Variants in NAV3 observed in about 807,000 individuals in gnomAD.
NAV3 encodes neuron navigator 3.
In NAV3, 87 loss-of-function variants were observed where a neutral mutation model predicts 244.7. The observed-to-expected ratio is 0.36, with a 90% CI of 0.30 to 0.42. The LOEUF is 0.42. Among genes scored for constraint, NAV3 ranks in the 20% least tolerant of loss-of-function variants. NAV3 has a pLI of 1.00. For synonymous variants in NAV3, 1,126 were observed against 1,042.2 expected (o/e 1.08, Z -1.55); for missense variants, 2,663 against 2,893.3 (o/e 0.92, Z 1.83).
intron 2 of NAV3, among the ~76,000 whole-genome samples, chr12:77,594,714 T>A (rs533035720): frequency 1.3e-5 from 2 of 152,314 alleles, no homozygotes; most frequent in South Asian, 4.1e-4. Context: ...TTACTGGAGT[T>A]CAAAATGGAA....
chr12:77,682,165 A>G (rs994942013), intron 2 of NAV3, among the ~76,000 whole-genome samples: 1 of 151,892 alleles, frequency 6.6e-6, no homozygotes, highest in Non-Finnish European at 1.5e-5. Context: ...GGCCACCACA[A>G]TCCCCAGCCT....
chr12:77,740,786 TG>T (rs1271074996), intron 2 of NAV3, among the ~76,000 whole-genome samples: 2 of 152,090 alleles, frequency 1.3e-5, no homozygotes, highest in East Asian at 1.9e-4. Context: ...GAAGGCTTAC[TG>T]GGGGGCTATG....
intron 2 of NAV3, among the ~76,000 whole-genome samples, chr12:77,822,731 A>G (rs1006761598): frequency 5.9e-5 from 9 of 152,154 alleles, no homozygotes; most frequent in Admixed American, 3.3e-4. Flanking sequence ...CCTGAAGACA[A>G]TCTATTCAAA....
At chr12:78,098,005 A>G (rs117204435) in intron 12 of NAV3, among the ~76,000 whole-genome samples, 2 of 152,262 alleles carry the variant, frequency 1.3e-5, no homozygotes, top group African/African-American at 2.4e-5. Context: ...CAGAACGCCT[A>G]TAACTAAATT....
chr12:77,577,369 A>G (rs1869140449), intron 2 of NAV3, among the ~76,000 whole-genome samples: 1 of 152,044 alleles, frequency 6.6e-6, no homozygotes, highest in African/African-American at 2.4e-5. Flanking sequence ...TTTTTTCTCC[A>G]CCATATCATA....
chr12:78,020,844 G>C (rs1010619135), intron 8 of NAV3, among the ~76,000 whole-genome samples: 1 of 149,498 alleles, frequency 6.7e-6, no homozygotes, highest in Non-Finnish European at 1.5e-5. Flanking sequence ...CCTACTACCA[G>C]AAAAAAAAAG....
chr12:78,047,523 G>A (rs923963544), intron 9 of NAV3, among the ~76,000 whole-genome samples: 2 of 151,988 alleles, frequency 1.3e-5, no homozygotes, highest in African/African-American at 2.4e-5. Context: ...AAAAATGAAC[G>A]TTGAATATTG....
intron 12 of NAV3, among the ~76,000 whole-genome samples, chr12:78,098,845 TCA>T (rs1160862069): frequency 6.6e-6 from 1 of 151,646 alleles, no homozygotes; most frequent in East Asian, 1.9e-4. Context: ...AAACTCAGTC[TCA>T]CAATTTGACA....
At chr12:78,019,058 A>G (rs942454000) in intron 8 of NAV3, among the ~76,000 whole-genome samples, 1 of 152,150 alleles carries the variant, frequency 6.6e-6, no homozygotes, top group Admixed American at 6.6e-5. Flanking sequence ...ATTGACCAGA[A>G]TTTCACAAGA....
chr12:77,887,746 A>G lies in NAV3; in HGVS notation c.244-52573A>G, dbSNP rs573356749. Among the ~76,000 whole-genome samples the G allele has an allele frequency of 2.0e-4, 30 of 152,266 alleles. No individual in the cohort carries two copies. The East Asian group carries it at 5.8e-3, about 29-fold the overall frequency. Reference sequence around the variant, plus strand: ...TTTTAAACTAATTCAATATATAAAAATTAATTTAAAAGTAAGTAGTAAACT... The same window carrying G: ...TTTTAAACTAATTCAATATATAAAAGTTAATTTAAAAGTAAGTAGTAAACT... On this transcript the variant is annotated intron_variant, in intron 1 of 39. Coordinates refer to ENST00000397909, the MANE Select transcript of NAV3 (RefSeq NM_001024383.2).
chr12:77,722,994 A>T (rs1876706974), intron 2 of NAV3, among the ~76,000 whole-genome samples: 1 of 152,004 alleles, frequency 6.6e-6, no homozygotes, highest in Admixed American at 6.6e-5. Context: ...GAGGGGCATG[A>T]TTGTAGCTTT....
chr12:77,910,574 A>G (rs1471467199), intron 1 of NAV3, among the ~76,000 whole-genome samples: 1 of 152,074 alleles, frequency 6.6e-6, no homozygotes, highest in African/African-American at 2.4e-5. Flanking sequence ...GCCTATGTCT[A>G]AGTTTAATTT....
intron 1 of NAV3, among the ~76,000 whole-genome samples, chr12:77,840,855 A>T (rs777446317): frequency 1.8e-4 from 27 of 152,168 alleles, no homozygotes; most frequent in Non-Finnish European, 3.8e-4. Flanking sequence ...TTTCCTCACA[A>T]CAATGTATAG....
At chr12:78,196,854 T>A (rs1269833123) in intron 34 of NAV3, among the ~76,000 whole-genome samples, 1 of 151,924 alleles carries the variant, frequency 6.6e-6, no homozygotes, top group Non-Finnish European at 1.5e-5. Flanking sequence ...TTGCTAAAAT[T>A]TACTTTTATC....
At chr12:78,146,548 T>C (rs948646093) in intron 21 of NAV3, among the ~76,000 whole-genome samples, 156 bp downstream of exon 21, 4 of 152,162 alleles carry the variant, frequency 2.6e-5, no homozygotes, top group African/African-American at 7.2e-5. Context: ...GTCTTTGATA[T>C]TGCCTCTTAA....
intron 1 of NAV3, among the ~76,000 whole-genome samples, chr12:77,851,485 C>T (rs115770169): frequency 0.017 from 2,520 of 152,168 alleles, 70 homozygotes; most frequent in African/African-American, 0.058. Flanking sequence ...CTTTTGTGCT[C>T]AATGAAATCT....
intron 2 of NAV3, among the ~76,000 whole-genome samples, chr12:77,597,420 C>A (rs979952539): frequency 2.0e-5 from 3 of 152,032 alleles, no homozygotes; most frequent in Admixed American, 2.0e-4. Flanking sequence ...TATTCAAACT[C>A]TTTATCTTCT....
chr12:77,620,051 T>C (rs980799540), intron 2 of NAV3, among the ~76,000 whole-genome samples: 1 of 152,198 alleles, frequency 6.6e-6, no homozygotes, highest in Non-Finnish European at 1.5e-5. Context: ...AAGGAGTCTT[T>C]TCATTTGGAG....
chr12:77,578,157 A>G lies in NAV3; in HGVS notation c.72+5891A>G, dbSNP rs73133959. Among the ~76,000 whole-genome samples the G allele has an allele frequency of 9.1e-3, 1,383 of 152,314 alleles. 17 individuals carry two copies. Among genetic ancestry groups the G allele is most frequent in the African/African-American group, 0.024 (1,009 of 41,572 alleles). ...ACAGTATGACTGCAAAGTTGAAAAA[A>G]TCAACATATTTGATTTTCTGAGTAT... On this transcript the variant is annotated intron_variant, in intron 2 of 8. Transcript: ENST00000550042.
Sources: gnomAD v4.1 joint callset for allele counts (sites outside exome capture counted in the v4.1 genomes callset) on GRCh38, gnomAD v4.1.1 for gene constraint, MANE v1.5 for transcripts, NCBI Gene and HGNC (gene_info 2026-07-23, HGNC 2026-07-21) for gene names.